The following CSTPP1 variants were observed in gnomAD, a reference collection of about 807,000 sequenced individuals.
CSTPP1 encodes the protein UPF0705 protein C11orf49.
the CSTPP1 span, among the ~76,000 whole-genome samples, chr11:47,048,670 G>C: frequency 6.6e-6 from 1 of 151,988 alleles, no homozygotes; most frequent in East Asian, 1.9e-4. Context: ...TGAGGGTCTG[G>C]GGGGTGGGCA....
chr11:47,046,833 T>C, the CSTPP1 span, among the ~76,000 whole-genome samples: 1 of 150,680 alleles, frequency 6.6e-6, no homozygotes, highest in South Asian at 2.1e-4. Flanking sequence ...GCCCGACTAA[T>C]TTTTGTATTT....
At chr11:46,942,441 C>T in the CSTPP1 span, among the ~76,000 whole-genome samples, 5 of 152,100 alleles carry the variant, frequency 3.3e-5, no homozygotes, top group Admixed American at 1.3e-4. Flanking sequence ...AGCATGAGGG[C>T]GTGAGGTTTA....
At chr11:47,146,119 T>C in the CSTPP1 span, among the ~76,000 whole-genome samples, 3 of 152,126 alleles carry the variant, frequency 2.0e-5, no homozygotes, top group African/African-American at 7.2e-5. Context: ...TCCCAGCACT[T>C]TGGGAGGCCG....
At chr11:46,975,849 A>G in the CSTPP1 span, among the ~76,000 whole-genome samples, 6 of 152,346 alleles carry the variant, frequency 3.9e-5, no homozygotes, top group South Asian at 1.0e-3. Flanking sequence ...TGAAGTTTCT[A>G]ACTACTACTT....
At chr11:46,992,418 G>C in the CSTPP1 span, among the ~76,000 whole-genome samples, 2 of 121,466 alleles carry the variant, frequency 1.6e-5, no homozygotes, top group South Asian at 5.2e-4. Flanking sequence ...GCCCCAGTGT[G>C]TGATGTTTCC....
At chr11:46,996,755 G>A in the CSTPP1 span, among the ~76,000 whole-genome samples, 289 of 152,248 alleles carry the variant, frequency 1.9e-3, 2 homozygotes, top group African/African-American at 6.5e-3. Context: ...GCCTGGTGGT[G>A]ATAAAATCTC....
the CSTPP1 span, among the ~76,000 whole-genome samples, chr11:46,945,154 C>G: frequency 6.6e-6 from 1 of 152,080 alleles, no homozygotes; most frequent in Admixed American, 6.5e-5. Context: ...CCTTCCAAAC[C>G]CAATTCTATT....
the CSTPP1 span, among the ~76,000 whole-genome samples, chr11:47,088,164 G>A: frequency 6.6e-6 from 1 of 152,120 alleles, no homozygotes; most frequent in Admixed American, 6.6e-5. Context: ...CATATTCAAG[G>A]GGAAAAGAAT....
chr11:47,041,148 C>A, the CSTPP1 span: 2 of 199,022 alleles, frequency 1.0e-5, no homozygotes, highest in South Asian at 1.0e-4. Context: ...TATAAGTGTT[C>A]TCCGTCTGGT....
chr11:47,077,196 G>GTTTTTTTTTTTTTTTTTT, the CSTPP1 span, among the ~76,000 whole-genome samples: 1 of 135,522 alleles, frequency 7.4e-6, no homozygotes. Context: ...GGATAAAGTT[G>GTTTTTTTTTTTTTTTTTT]TTTTTTTTTT....
At chr11:47,142,214 G>C in the CSTPP1 span, among the ~76,000 whole-genome samples, 1 of 148,414 alleles carries the variant, frequency 6.7e-6, no homozygotes, top group Non-Finnish European at 1.5e-5. Context: ...CTGCACTCCA[G>C]GCTGGTGACA....
the CSTPP1 span, among the ~76,000 whole-genome samples, chr11:47,112,957 A>G: frequency 4.6e-5 from 7 of 152,116 alleles, no homozygotes; most frequent in African/African-American, 1.7e-4. Flanking sequence ...CATCATTTAC[A>G]TTAGGCAAAT....
At chr11:47,082,637 C>T in the CSTPP1 span, among the ~76,000 whole-genome samples, 14 of 152,078 alleles carry the variant, frequency 9.2e-5, no homozygotes, top group African/African-American at 3.4e-4. Context: ...AAAACCATCA[C>T]CAAAATCAGT....
chr11:47,084,596 C>T, the CSTPP1 span, among the ~76,000 whole-genome samples: 10 of 151,966 alleles, frequency 6.6e-5, no homozygotes, highest in East Asian at 1.9e-4. Flanking sequence ...GGTTTTTCCC[C>T]GCTCCCCTCA....
chr11:47,115,926 ATCTTTCCT>A, the CSTPP1 span, among the ~76,000 whole-genome samples: 1 of 152,034 alleles, frequency 6.6e-6, no homozygotes, highest in East Asian at 1.9e-4. Flanking sequence ...TCGATTTTAG[ATCTTTCCT>A]GCTTTCTCTT....
chr11:47,065,542 C>A, the CSTPP1 span, among the ~76,000 whole-genome samples: 1 of 152,044 alleles, frequency 6.6e-6, no homozygotes, highest in African/African-American at 2.4e-5. Context: ...CCTTCCAAAG[C>A]AGAGGGGTTG....
At chr11:47,137,997 G>A in the CSTPP1 span, 20 of 541,766 alleles carry the variant, frequency 3.7e-5, no homozygotes, top group Non-Finnish European at 6.2e-5. Flanking sequence ...AAAAAGCCCA[G>A]ACCCCTCCAA....
At chr11:47,139,006 A>C in the CSTPP1 span, among the ~76,000 whole-genome samples, 11 of 150,482 alleles carry the variant, frequency 7.3e-5, no homozygotes, top group Non-Finnish European at 1.3e-4. Context: ...AAAAAAAAAA[A>C]AAAAAACCTG....
the CSTPP1 span, among the ~76,000 whole-genome samples, chr11:47,061,997 C>T: frequency 6.6e-6 from 1 of 152,120 alleles, no homozygotes; most frequent in East Asian, 1.9e-4. Flanking sequence ...ATCTTCTCTC[C>T]CACCTGAAGC....
Sources: gnomAD v4.1 joint callset for allele counts (sites outside exome capture counted in the v4.1 genomes callset) on GRCh38, gnomAD v4.1.1 for gene constraint, MANE v1.5 for transcripts, NCBI Gene and HGNC (gene_info 2026-07-23, HGNC 2026-07-21) for gene names.